MAX: variants seen among roughly 807,000 people sequenced by gnomAD.
MAX encodes the protein MYC associated transcriptional regulator X.
Under a neutral mutation model 22.3 loss-of-function variants are expected in MAX, and 3 were observed. That is an observed-to-expected ratio of 0.13 (90% CI 0.06 to 0.35). The LOEUF is 0.35. Ranked by LOEUF, MAX falls within the 10% of genes least tolerant of loss-of-function variation. The pLI is 1.00. For missense variants in MAX, 119 were observed against 209.4 expected, an observed-to-expected ratio of 0.57 and a Z score of 2.66; for synonymous variants, 72 against 77.7, an observed-to-expected ratio of 0.93 and a Z score of 0.39.
chr14:65,057,539 G>C (rs990158519), intron 3 of MAX, among the ~76,000 whole-genome samples: 11 of 152,134 alleles, frequency 7.2e-5, no homozygotes, highest in African/African-American at 2.7e-4. Context: ...TTAACTTAAG[G>C]AATCTCTACC....
rs1218063691 is a variant in MAX, at chr14:65,078,168, C to G, written c.172-132G>C. ...AAGGTGGGAAAAGGCTGAAGAAATA[C>G]AATAATGGCTACTGTAGGCTTTATT... is the stretch of plus-strand genomic sequence containing the variant. On this transcript the variant is annotated intron_variant, in intron 3 of 4. Transcript: ENST00000358664. This position sits in a 1 kb window ranked among gnomAD's most constrained non-coding sequence, Gnocchi z 6.4. 1.2e-5 allele frequency: 11 copies of G among 886,520 alleles called. No individual in the cohort carries two copies. In the East Asian group the frequency reaches 2.5e-4, roughly 20 times the overall value. The allele number at this position is 886,520 out of a possible 1,614,324, so 54.9% of individuals were successfully genotyped here. A position where few individuals can be genotyped will look rare whatever the true frequency, so the allele number is the denominator to read the frequency against.
At chr14:65,043,484 C>T (rs2062397192) in intron 3 of MAX, among the ~76,000 whole-genome samples, 2 of 152,162 alleles carry the variant, frequency 1.3e-5, no homozygotes, top group Non-Finnish European at 2.9e-5. Context: ...TAAATTTCCC[C>T]AGGTGCCAAG....
At position 65,075,406 on chromosome 14, in the gene MAX, G is replaced by T; in HGVS notation, c.*1070C>A. 1 of 1,063,464 alleles carries T rather than the reference G, an allele frequency of 9.4e-7. No homozygotes were observed. The highest frequency in any genetic ancestry group is 1.1e-6 in the Non-Finnish European group (1 of 877,808). The allele number at this position is 1,063,464 out of a possible 1,614,324, so 65.9% of individuals were successfully genotyped here. ...ATCACACAATGGAGACAGGTTCCAG[G>T]ACAGTAGGAAAGGAAGTGGGATGAG... On this transcript the variant is annotated 3_prime_UTR_variant, in exon 5 of 5. Transcript: ENST00000358664. The surrounding 1 kb of genome is among the most constrained non-coding windows in gnomAD (Gnocchi z 4.1).
chr14:65,090,462 A>C (rs1290616031), intron 3 of MAX: 2 of 152,194 alleles, frequency 1.3e-5, no homozygotes, highest in Non-Finnish European at 2.9e-5. Flanking sequence ...TTACATTGCA[A>C]TACAATGTCA....
chr14:65,071,288 T>C (rs1236355863), downstream of MAX, among the ~76,000 whole-genome samples: 2 of 152,078 alleles, frequency 1.3e-5, no homozygotes, highest in African/African-American at 4.8e-5. This position sits in a 1 kb window ranked among gnomAD's most constrained non-coding sequence, Gnocchi z 4.2. Flanking sequence ...ACCACAGGCA[T>C]GCAACACTAT....
intron 3 of MAX, among the ~76,000 whole-genome samples, chr14:65,081,255 A>C (rs2063192059): frequency 6.6e-6 from 1 of 152,334 alleles, no homozygotes; most frequent in Non-Finnish European, 1.5e-5. Context: ...TTCCCAGGGT[A>C]CCCAACAAGA....
intron 3 of MAX, among the ~76,000 whole-genome samples, chr14:65,052,312 G>T (rs1175743582): frequency 2.0e-5 from 3 of 152,108 alleles, no homozygotes; most frequent in Non-Finnish European, 4.4e-5. Flanking sequence ...AAAACGCATA[G>T]AACCAAAAAG....
Position 65,032,387 on chromosome 14 carries a change from G to A in MAX, c.172-26103C>T, listed in dbSNP as rs774043759. 1 of 448,466 alleles carries A rather than the reference G, an allele frequency of 2.2e-6. No individual in the cohort carries two copies. The highest frequency in any genetic ancestry group is 4.2e-5 in the Admixed American group (1 of 24,028). 27.8% of individuals were successfully genotyped at this position (448,466 alleles called of 1,614,324 possible). Reference sequence around the variant, plus strand: ...GGACCATGTGGAGGTAGGGAGAATAGAATGTCATGTTCTTTCACTGAAGCC... The same window carrying A: ...GGACCATGTGGAGGTAGGGAGAATAAAATGTCATGTTCTTTCACTGAAGCC... On this transcript the variant is annotated intron_variant, in intron 3 of 3. Transcript: ENST00000341653. This position sits in a 1 kb window ranked among gnomAD's most constrained non-coding sequence, Gnocchi z 5.0.
chr14:65,098,168 A>G (rs2063722295), intron 2 of MAX, among the ~76,000 whole-genome samples: 1 of 152,224 alleles, frequency 6.6e-6, no homozygotes, highest in Non-Finnish European at 1.5e-5. Context: ...ACACAGGCAC[A>G]TTTAGGAACT....
At chr14:65,073,874 TCCTAGGTGAACCAGCCA>T (rs924649934), downstream of MAX, among the ~76,000 whole-genome samples, 18 of 152,324 alleles carry the variant, frequency 1.2e-4, no homozygotes, top group East Asian at 1.7e-3. Flanking sequence ...GTTTGGATTT[TCCTAGGTGAACCAGCCA>T]CCTAGCCACT....
Position 65,027,743 on chromosome 14 carries a change from C to T in MAX, c.172-21459G>A, listed in dbSNP as rs1470517383. ...TGTACTCCCTGAAGCAACCTGACGGCTCCTTTCTCATGCATGTCGGAGGTG... is the reference window on the plus strand; with the variant it reads ...TGTACTCCCTGAAGCAACCTGACGGTTCCTTTCTCATGCATGTCGGAGGTG... On this transcript the variant is annotated intron_variant, in intron 3 of 3. Transcript: ENST00000341653. The surrounding 1 kb of genome is among the most constrained non-coding windows in gnomAD (Gnocchi z 5.7). The T allele has an allele frequency of 7.4e-6, 12 of 1,614,052 alleles. No homozygotes were observed. Among genetic ancestry groups the T allele is most frequent in the Middle Eastern group, 1.6e-4 (1 of 6,084 alleles).
At chr14:65,083,834 T>A (rs979716667) in intron 3 of MAX, 4 of 1,176,960 alleles carry the variant, frequency 3.4e-6, no homozygotes, top group Non-Finnish European at 3.2e-6. Flanking sequence ...CTTTTACACA[T>A]ATGAAGGTAA....
intron 3 of MAX, chr14:65,040,953 C>G: frequency 6.2e-7 from 1 of 1,607,424 alleles, no homozygotes; most frequent in Non-Finnish European, 8.5e-7. Context: ...CCTCTCAGGC[C>G]CCAGGTCATG....
At chr14:65,099,844 C>T (rs1405825863) in intron 2 of MAX, among the ~76,000 whole-genome samples, 1 of 152,200 alleles carries the variant, frequency 6.6e-6, no homozygotes, top group African/African-American at 2.4e-5. Context: ...TCTTTAATGA[C>T]TATTACCCAG....
chr14:65,094,225 G>A, intron 2 of MAX: 1 of 278,104 alleles, frequency 3.6e-6, no homozygotes, highest in Non-Finnish European at 7.1e-6. Context: ...CACTGTAAGA[G>A]ATTCCCCAGA....
rs544975834 is a variant in MAX, at chr14:65,022,148, A to G, written c.172-15864T>C. The G allele has an allele frequency of 2.2e-3, 970 of 446,862 alleles. 10 individuals carry two copies. Among genetic ancestry groups the G allele is most frequent in the South Asian group, 8.1e-3 (515 of 63,456 alleles). The allele number at this position is 446,862 out of a possible 1,614,324, so 27.7% of individuals were successfully genotyped here. On this transcript the variant is annotated intron_variant, in intron 3 of 3. Coordinates refer to the MAX transcript ENST00000341653. The stretch of plus-strand genomic sequence containing the variant: ...AGGAGATTTCCTCTTCACTATATCA[A>G]GCTGAAGCTGTTTTAGTTAGTACGA...
At chr14:65,080,087 C>A (rs1238543293) in intron 3 of MAX, among the ~76,000 whole-genome samples, 1 of 152,152 alleles carries the variant, frequency 6.6e-6, no homozygotes, top group Non-Finnish European at 1.5e-5. Flanking sequence ...CTAGCAGAGA[C>A]TAGAGACACC....
At chr14:65,010,955 A>G (rs1424843909) in intron 3 of MAX, among the ~76,000 whole-genome samples, 1 of 152,106 alleles carries the variant, frequency 6.6e-6, no homozygotes, top group East Asian at 1.9e-4. Flanking sequence ...TGCCAGGGCC[A>G]CTCATCGCAC....
intron 3 of MAX, among the ~76,000 whole-genome samples, chr14:65,055,927 C>T (rs186954093): frequency 2.6e-4 from 39 of 152,296 alleles, no homozygotes; most frequent in African/African-American, 9.1e-4. Flanking sequence ...AACCACCACC[C>T]AGCTTTTCCA....
Sources: gnomAD v4.1 joint callset for allele counts (sites outside exome capture counted in the v4.1 genomes callset) on GRCh38, gnomAD v4.1.1 for gene constraint, Gnocchi (gnomAD v3.1) non-coding constraint, MANE v1.5 for transcripts, NCBI Gene and HGNC (gene_info 2026-07-23, HGNC 2026-07-21) for gene names.